The following TGFBR2 variants were observed in gnomAD, a reference collection of about 807,000 sequenced individuals.
TGFBR2 encodes TGF-beta receptor type-2.
In TGFBR2, 18 loss-of-function variants were observed where a neutral mutation model predicts 49.0. The observed-to-expected ratio is 0.37, with a 90% CI of 0.25 to 0.54. TGFBR2 has a LOEUF of 0.54. Among genes scored for constraint, TGFBR2 ranks in the 20% least tolerant of loss-of-function variants. The probability of loss-of-function intolerance (pLI) is 0.85; values close to 1 mark genes in which losing one functional copy is unlikely to be tolerated. For missense variants in TGFBR2, 525 were observed against 722.6 expected (o/e 0.73, Z 3.13); for synonymous variants, 282 against 275.9 (o/e 1.02, Z -0.22).
chr3:30,612,609 A>G lies in TGFBR2; in HGVS notation c.94+5632A>G, dbSNP rs143624063. ...AAACTCTACAGCCCACAGTTTGACAATGGTGTCTTAGTGGTAGGACTCATG... is the reference window on the plus strand; with the variant it reads ...AAACTCTACAGCCCACAGTTTGACAGTGGTGTCTTAGTGGTAGGACTCATG... On this transcript the variant is annotated intron_variant, in intron 1 of 6. Transcript: ENST00000295754. Among the ~76,000 whole-genome samples, 3 of 152,274 alleles carry G rather than the reference A, an allele frequency of 2.0e-5. No individual in the cohort carries two copies. The East Asian group carries it at 5.8e-4, about 29-fold the overall frequency.
At chr3:30,658,795 G>A (rs370024716) in intron 3 of TGFBR2, among the ~76,000 whole-genome samples, 38 of 152,152 alleles carry the variant, frequency 2.5e-4, no homozygotes, top group African/African-American at 8.0e-4. Context: ...TCAGACACGC[G>A]GTTTCCTGTC....
intron 1 of TGFBR2, among the ~76,000 whole-genome samples, chr3:30,636,981 G>A (rs531279701): frequency 2.0e-5 from 3 of 151,216 alleles, no homozygotes; most frequent in East Asian, 2.0e-4. Flanking sequence ...GGAGAATGGC[G>A]TGAACCTGGG....
At chr3:30,657,674 C>T (rs899195720) in intron 3 of TGFBR2, among the ~76,000 whole-genome samples, 1 of 152,136 alleles carries the variant, frequency 6.6e-6, no homozygotes, top group African/African-American at 2.4e-5. Context: ...ATTACTGTTC[C>T]ACTAGATTCA....
intron 6 of TGFBR2, among the ~76,000 whole-genome samples, chr3:30,690,811 A>T (rs1050179209): frequency 2.0e-5 from 3 of 152,208 alleles, no homozygotes; most frequent in African/African-American, 7.2e-5. Flanking sequence ...TGGTAGATAC[A>T]TGTCATTATA....
intron 1 of TGFBR2, chr3:30,623,384 T>A: frequency 2.3e-6 from 3 of 1,327,918 alleles, no homozygotes; most frequent in Non-Finnish European, 3.2e-6. Context: ...TCCTCGTATT[T>A]TCATATTTTC....
intron 2 of TGFBR2, 103 bp downstream of exon 2, chr3:30,645,018 A>G: frequency 9.3e-7 from 1 of 1,072,112 alleles, no homozygotes; most frequent in Non-Finnish European, 1.4e-6. Flanking sequence ...AAATGTAAAC[A>G]CCTGTTCCAT....
At chr3:30,628,112 CT>C (rs58634787) in intron 1 of TGFBR2, among the ~76,000 whole-genome samples, 61 of 110,924 alleles carry the variant, frequency 5.5e-4, no homozygotes, top group East Asian at 9.0e-4. Context: ...GCAGCCAGGC[CT>C]TTTTTTTTTT....
Position 30,688,450 on chromosome 3 carries a change from A to G in TGFBR2, c.1463A>G (p.Lys488Arg), listed in dbSNP as rs891207290. The G allele has an allele frequency of 3.7e-6, 6 of 1,614,238 alleles. No homozygotes were observed. The highest frequency in any genetic ancestry group is 5.1e-6 in the Non-Finnish European group (6 of 1,180,030). ...VREHPCVESM[K>R]DNVLRDRGRP... is the part of the protein sequence containing the mutation. ...GAGCACCCCTGTGTCGAAAGCATGAAGGACAACGTGTTGAGAGATCGAGGG... is the reference window on the plus strand; with the variant it reads ...GAGCACCCCTGTGTCGAAAGCATGAGGGACAACGTGTTGAGAGATCGAGGG... Residue 488 changes from lysine (K) to arginine (R), a missense_variant, in exon 6 of 7, where the codon AAG becomes AGG. Physicochemically the swap from Lys to Arg is conservative, Grantham distance 26. Transcript: ENST00000295754.
At chr3:30,625,936 A>G (rs1409064829) in intron 1 of TGFBR2, among the ~76,000 whole-genome samples, 1 of 152,152 alleles carries the variant, frequency 6.6e-6, no homozygotes. Flanking sequence ...CAGTCCATGT[A>G]GCATAAGTCC....
At chr3:30,625,742 A>G (rs1212463600) in intron 1 of TGFBR2, among the ~76,000 whole-genome samples, 2 of 152,186 alleles carry the variant, frequency 1.3e-5, no homozygotes, top group Admixed American at 1.3e-4. Flanking sequence ...GAGAAAATTA[A>G]TTGGGTTGGG....
chr3:30,678,926 G>A (rs1328910525), intron 5 of TGFBR2, among the ~76,000 whole-genome samples: 1 of 152,192 alleles, frequency 6.6e-6, no homozygotes, highest in Non-Finnish European at 1.5e-5. Context: ...CTAACTGAAT[G>A]AAGTAGGATA....
chr3:30,685,516 G>T (rs1699605690), intron 5 of TGFBR2, among the ~76,000 whole-genome samples: 1 of 152,228 alleles, frequency 6.6e-6, no homozygotes, highest in Non-Finnish European at 1.5e-5. Flanking sequence ...GCAGGAAGAG[G>T]CATGGAAGGA....
intron 2 of TGFBR2, among the ~76,000 whole-genome samples, chr3:30,649,459 A>T (rs1356119858): frequency 2.0e-5 from 3 of 152,204 alleles, no homozygotes; most frequent in African/African-American, 4.8e-5. Context: ...GCTATGTGAG[A>T]AATTCTCTGA....
chr3:30,656,366 ATTGTAT>A (rs1208702053), intron 3 of TGFBR2, among the ~76,000 whole-genome samples: 1 of 152,128 alleles, frequency 6.6e-6, no homozygotes, highest in Non-Finnish European at 1.5e-5. Context: ...ATGTTAGTTT[ATTGTAT>A]TTGTATTAGT....
intron 1 of TGFBR2, among the ~76,000 whole-genome samples, chr3:30,644,378 C>T (rs1698692923): frequency 6.6e-6 from 1 of 152,158 alleles, no homozygotes. Context: ...ACCAGCTAAA[C>T]TATAATTTCC....
At chr3:30,661,567 C>T (rs747847996) in intron 3 of TGFBR2, 18 of 514,804 alleles carry the variant, frequency 3.5e-5, no homozygotes, top group Admixed American at 1.4e-4. Flanking sequence ...TTCAAACAAT[C>T]GATTGCAAAG....
intron 1 of TGFBR2, among the ~76,000 whole-genome samples, chr3:30,638,273 A>T (rs1274280656): frequency 2.6e-5 from 4 of 152,244 alleles, no homozygotes; most frequent in African/African-American, 9.6e-5. Flanking sequence ...TAAAAGCAAG[A>T]ATTATAAGGC....
At chr3:30,652,589 G>C (rs1698915788) in intron 3 of TGFBR2, among the ~76,000 whole-genome samples, 1 of 152,126 alleles carries the variant, frequency 6.6e-6, no homozygotes, top group African/African-American at 2.4e-5. Context: ...TTAATCACAT[G>C]AAACATGGTA....
At chr3:30,687,394 G>T (rs1358066313) in intron 5 of TGFBR2, among the ~76,000 whole-genome samples, 1 of 151,982 alleles carries the variant, frequency 6.6e-6, no homozygotes, top group Non-Finnish European at 1.5e-5. Context: ...TGCTTGTTTT[G>T]TTTTTTATTT....
Sources: allele counts gnomAD v4.1 joint callset (sites outside exome capture counted in the v4.1 genomes callset), GRCh38; gene constraint gnomAD v4.1.1; transcripts MANE v1.5; gene names NCBI Gene and HGNC (gene_info 2026-07-23, HGNC 2026-07-21).